The following DAB2IP variants were observed in gnomAD, a reference collection of about 807,000 sequenced individuals.
The protein encoded by DAB2IP is DAB2 interacting protein.
In DAB2IP, 28 loss-of-function variants were observed where a neutral mutation model predicts 107.2. That is an observed-to-expected ratio of 0.26 (90% CI 0.19 to 0.36). DAB2IP has a LOEUF of 0.36. DAB2IP is among the 10% of genes least tolerant of loss of function. The pLI is 1.00. For synonymous variants in DAB2IP, 755 were observed against 706.4 expected, an observed-to-expected ratio of 1.07 and a Z score of -1.09; for missense variants, 1,400 against 1,644.7, an observed-to-expected ratio of 0.85 and a Z score of 2.57.
upstream of DAB2IP, among the ~76,000 whole-genome samples, chr9:121,650,735 T>C (rs953730790): frequency 3.3e-5 from 5 of 151,916 alleles, no homozygotes; most frequent in African/African-American, 1.2e-4. Context: ...GGGCCATGGT[T>C]AGGGAAGGGT....
At chr9:121,729,558 C>G (rs948288449) in intron 3 of DAB2IP, among the ~76,000 whole-genome samples, 1 of 152,200 alleles carries the variant, frequency 6.6e-6, no homozygotes, top group Non-Finnish European at 1.5e-5. Context: ...CTCCTTACCT[C>G]TGCTATCAAG....
chr9:121,643,405 C>A (rs1351426972), intron 1 of DAB2IP, among the ~76,000 whole-genome samples: 1 of 152,004 alleles, frequency 6.6e-6, no homozygotes, highest in Non-Finnish European at 1.5e-5. Flanking sequence ...CACTTCTCTT[C>A]TTCCCCTCTG....
At position 121,782,563 on chromosome 9, in the gene DAB2IP, C is replaced by T. The variant is rs1048173514; in HGVS notation, c.*65C>T. On this transcript the variant is annotated 3_prime_UTR_variant, in exon 16 of 16. Transcript: ENST00000408936. The surrounding 1 kb of genome is among the most constrained non-coding windows in gnomAD (Gnocchi z 6.1). The stretch of plus-strand genomic sequence containing the variant: ...ACTATGGTGGCCAAGGGCAGGGTCT[C>T]GGCCTGGGGAGGCACCCACGGTTGC... 3.5e-5 allele frequency: 56 copies of T among 1,578,008 alleles called. No individual in the cohort carries two copies. The highest frequency in any genetic ancestry group is 3.2e-4 in the African/African-American group (24 of 74,378).
chr9:121,694,573 G>A (rs966797440), intron 2 of DAB2IP, among the ~76,000 whole-genome samples: 4 of 152,130 alleles, frequency 2.6e-5, no homozygotes, highest in Non-Finnish European at 5.9e-5. Flanking sequence ...AGGGTTGTGG[G>A]CCAGATGTCA....
intron 10 of DAB2IP, among the ~76,000 whole-genome samples, chr9:121,769,969 A>G (rs913620669): frequency 3.3e-5 from 5 of 152,218 alleles, no homozygotes; most frequent in African/African-American, 9.6e-5. Context: ...TTGTGCATAA[A>G]CAGGTGAAGG....
At chr9:121,774,130 G>A in intron 12 of DAB2IP, 130 bp from the exon 13 acceptor site, 1 of 1,085,352 alleles carries the variant, frequency 9.2e-7, no homozygotes, top group Non-Finnish European at 1.2e-6. Context: ...TAGGCGCTCA[G>A]TCAGCTGGAG....
intron 1 of DAB2IP, among the ~76,000 whole-genome samples, chr9:121,605,310 T>C (rs1164690467): frequency 6.6e-6 from 1 of 152,084 alleles, no homozygotes; most frequent in Non-Finnish European, 1.5e-5. Flanking sequence ...TGAGCCACCA[T>C]GCCCGGTCCC....
chr9:121,590,849 G>A (rs187082534), intron 1 of DAB2IP, among the ~76,000 whole-genome samples: 10 of 152,280 alleles, frequency 6.6e-5, no homozygotes, highest in Admixed American at 1.3e-4. Flanking sequence ...TGATCCCTGT[G>A]TTTAGGGATG....
chr9:121,782,694 A>G lies in DAB2IP; in HGVS notation c.*196A>G. The G allele has an allele frequency of 7.0e-7, 1 of 1,421,920 alleles. No individual in the cohort carries two copies. Among genetic ancestry groups the G allele is most frequent in the Non-Finnish European group, 9.2e-7 (1 of 1,091,200 alleles). The allele number at this position is 1,421,920 out of a possible 1,614,324, so 88.1% of individuals were successfully genotyped here. On this transcript the variant is annotated 3_prime_UTR_variant, in exon 16 of 16. Coordinates refer to ENST00000408936, the Ensembl canonical transcript of DAB2IP. The surrounding 1 kb of genome is among the most constrained non-coding windows in gnomAD (Gnocchi z 6.1). The stretch of plus-strand genomic sequence containing the variant: ...GACTGAAGCAGCGTGAGGCGAGGTC[A>G]CCAGCCGCTCCCTGTGGGGTGCGGG...
At chr9:121,600,009 G>T (rs902967281) in intron 1 of DAB2IP, among the ~76,000 whole-genome samples, 2 of 152,100 alleles carry the variant, frequency 1.3e-5, no homozygotes, top group African/African-American at 4.8e-5. Context: ...CCCAGATCTC[G>T]ACCGCCGGGA....
intron 3 of DAB2IP, among the ~76,000 whole-genome samples, chr9:121,716,029 A>G (rs1830584512): frequency 6.6e-6 from 1 of 152,200 alleles, no homozygotes; most frequent in African/African-American, 2.4e-5. Context: ...GAACCTGGTA[A>G]AAAGATTCTG....
At position 121,634,295 on chromosome 9, in the gene DAB2IP, G is replaced by A. The variant is rs1420146068; in HGVS notation, c.41-44383G>A. 1.3e-5 allele frequency among the ~76,000 whole-genome samples: 2 copies of A among 152,244 alleles called. No homozygotes were observed. Among genetic ancestry groups the A allele is most frequent in the Non-Finnish European group, 2.9e-5 (2 of 68,048 alleles). ...CAGGAGTAGGGCCAGAAAGAGGAGA[G>A]ATGGAGGAGGCAGAGGCCCCGGCCG... On this transcript the variant is annotated intron_variant, in intron 1 of 16. Transcript: ENST00000259371. The surrounding 1 kb of genome is among the most constrained non-coding windows in gnomAD (Gnocchi z 4.7).
chr9:121,648,710 G>A (rs1186963768), upstream of DAB2IP, among the ~76,000 whole-genome samples: 1 of 152,148 alleles, frequency 6.6e-6, no homozygotes, highest in Non-Finnish European at 1.5e-5. Flanking sequence ...CCCTGTCCCC[G>A]CTAAAGCAGC....
intron 1 of DAB2IP, among the ~76,000 whole-genome samples, chr9:121,620,191 T>G (rs480935): frequency 6.6e-6 from 1 of 152,210 alleles, no homozygotes; most frequent in Admixed American, 6.5e-5. Context: ...CTCCGACTCC[T>G]GCTGCCTGGG....
chr9:121,716,519 A>G (rs1830612465), intron 3 of DAB2IP, among the ~76,000 whole-genome samples: 1 of 152,230 alleles, frequency 6.6e-6, no homozygotes, highest in African/African-American at 2.4e-5. Context: ...TGTCCTGCTC[A>G]GGTTCCATTT....
intron 1 of DAB2IP, among the ~76,000 whole-genome samples, chr9:121,643,979 G>A (rs926472291): frequency 9.9e-5 from 15 of 152,158 alleles, no homozygotes; most frequent in African/African-American, 3.4e-4. Context: ...ACCAGTCTGA[G>A]CATCATGGCA....
chr9:121,639,813 C>T (rs942823185), intron 1 of DAB2IP, among the ~76,000 whole-genome samples: 6 of 152,132 alleles, frequency 3.9e-5, no homozygotes, highest in East Asian at 1.9e-4. Context: ...AACAGGTGGG[C>T]GAGTGAGGCT....
chr9:121,783,632 G>GCAAGTCTAACATCCTCCA, exon 16 of DAB2IP: 1 of 1,543,774 alleles, frequency 6.5e-7, no homozygotes, highest in Non-Finnish European at 8.9e-7. Flanking sequence ...CGGCCCTGGA[G>GCAAGTCTAACATCCTCCA]GATGTTAGAC....
Position 121,760,299 on chromosome 9 carries a change from A to G in DAB2IP, c.1030A>G (p.Met344Val). 6.2e-7 allele frequency: 1 copy of G among 1,613,812 alleles called. No individual in the cohort carries two copies. The highest frequency in any genetic ancestry group is 8.5e-7 in the Non-Finnish European group (1 of 1,180,020). ...AACCATCACCATCCTGCCCATGGAG[A>G]TGTACAAAGAGTTCGCTGAGCACAT... The change falls in exon 6 of 16, where the codon ATG (methionine) becomes GTG (valine). Residue 344 changes from methionine (M) to valine (V), a missense_variant. Met to Val is a conservative substitution (Grantham distance 21, BLOSUM62 1). Coordinates refer to ENST00000408936, the Ensembl canonical transcript of DAB2IP. This position sits in a 1 kb window ranked among gnomAD's most constrained non-coding sequence, Gnocchi z 5.9.
Sources: gnomAD v4.1 joint callset for allele counts (sites outside exome capture counted in the v4.1 genomes callset) on GRCh38, gnomAD v4.1.1 for gene constraint, Gnocchi (gnomAD v3.1) non-coding constraint, MANE v1.5 for transcripts, NCBI Gene and HGNC (gene_info 2026-07-23, HGNC 2026-07-21) for gene names.